The following RALGPS2 variants were observed in gnomAD, a reference collection of about 807,000 sequenced individuals.
The protein encoded by RALGPS2 is Ral GEF with PH domain and SH3 binding motif 2.
In RALGPS2, 43 loss-of-function variants were observed where a neutral mutation model predicts 86.8. The ratio of observed to expected loss-of-function variants is 0.50; its 90% CI spans 0.39 to 0.64. The LOEUF is 0.64. RALGPS2 is among the 30% of genes least tolerant of loss of function. RALGPS2 has a pLI of 0.00. For missense variants in RALGPS2, 536 were observed against 694.6 expected (o/e 0.77, Z 2.57); for synonymous variants, 243 against 231.3 (o/e 1.05, Z -0.46).
intron 7 of RALGPS2, among the ~76,000 whole-genome samples, chr1:178,830,124 TTAGCTTGA>T (rs1300629498): frequency 1.3e-5 from 2 of 152,246 alleles, no homozygotes; most frequent in Non-Finnish European, 2.9e-5. Context: ...GATATGTTAA[TTAGCTTGA>T]TAGCTTGATA....
At chr1:178,800,495 C>G (rs1558125281) in intron 4 of RALGPS2, among the ~76,000 whole-genome samples, 1 of 151,912 alleles carries the variant, frequency 6.6e-6, no homozygotes, top group Non-Finnish European at 1.5e-5. Flanking sequence ...TGATCCACTT[C>G]CACTTAACGA....
intron 19 of RALGPS2, among the ~76,000 whole-genome samples, chr1:178,909,517 G>A (rs552282859): frequency 6.6e-6 from 1 of 151,938 alleles, no homozygotes; most frequent in African/African-American, 2.4e-5. Flanking sequence ...CTGTAGGTTG[G>A]TTTGGACAAT....
chr1:178,750,097 TGA>T (rs1290038013), intron 1 of RALGPS2, among the ~76,000 whole-genome samples: 1 of 152,066 alleles, frequency 6.6e-6, no homozygotes, highest in Non-Finnish European at 1.5e-5. Context: ...GGTGACAGAG[TGA>T]GACTCTGTCT....
intron 16 of RALGPS2, among the ~76,000 whole-genome samples, chr1:178,894,695 A>G (rs939710090): frequency 6.6e-6 from 1 of 152,078 alleles, no homozygotes; most frequent in Admixed American, 6.6e-5. Context: ...GCCTGTGGGT[A>G]ACTGAAACCA....
At chr1:178,812,387 A>C (rs1655026311) in intron 6 of RALGPS2, among the ~76,000 whole-genome samples, 1 of 152,134 alleles carries the variant, frequency 6.6e-6, no homozygotes, top group Admixed American at 6.5e-5. Flanking sequence ...TCTCAGAGCT[A>C]CCCTCAGAAA....
chr1:178,744,686 A>G (rs979251324), intron 1 of RALGPS2, among the ~76,000 whole-genome samples: 8 of 151,910 alleles, frequency 5.3e-5, no homozygotes, highest in Non-Finnish European at 8.8e-5. Context: ...GCATGGTGGC[A>G]GCTGCCTGTA....
At chr1:178,861,692 A>G (rs1330871854) in intron 8 of RALGPS2, among the ~76,000 whole-genome samples, 1 of 152,192 alleles carries the variant, frequency 6.6e-6, no homozygotes, top group Non-Finnish European at 1.5e-5. Flanking sequence ...CAGCTCAATT[A>G]TGTTTATTTA....
At chr1:178,838,830 G>C (rs1183005213) in intron 8 of RALGPS2, among the ~76,000 whole-genome samples, 2 of 152,168 alleles carry the variant, frequency 1.3e-5, no homozygotes, top group East Asian at 3.9e-4. Flanking sequence ...TGACCTGATG[G>C]AGCTGAAAAC....
chr1:178,905,879 A>G (rs1460365403), intron 18 of RALGPS2, among the ~76,000 whole-genome samples: 1 of 152,206 alleles, frequency 6.6e-6, no homozygotes, highest in Non-Finnish European at 1.5e-5. Context: ...AAAAGAGAGA[A>G]AGTTGCCTCC....
chr1:178,801,454 G>A (rs765520304), intron 4 of RALGPS2, among the ~76,000 whole-genome samples: 1 of 151,998 alleles, frequency 6.6e-6, no homozygotes, highest in Non-Finnish European at 1.5e-5. Context: ...ATTTGATCCT[G>A]TTTCATCATT....
At chr1:178,894,502 G>A (rs938804869) in intron 16 of RALGPS2, among the ~76,000 whole-genome samples, 1 of 152,000 alleles carries the variant, frequency 6.6e-6, no homozygotes, top group Non-Finnish European at 1.5e-5. Context: ...AGTGGGGAGT[G>A]GGACACAAGG....
At chr1:178,801,539 T>G (rs111926468) in intron 4 of RALGPS2, among the ~76,000 whole-genome samples, 1 of 152,124 alleles carries the variant, frequency 6.6e-6, no homozygotes, top group Non-Finnish European at 1.5e-5. Flanking sequence ...ATTAAAAAAA[T>G]TTTTTAATAC....
chr1:178,791,408 G>A (rs1327322317), intron 4 of RALGPS2, among the ~76,000 whole-genome samples: 2 of 151,830 alleles, frequency 1.3e-5, no homozygotes, highest in Non-Finnish European at 2.9e-5. Context: ...GGATCAGTGT[G>A]AGCCAGCACA....
chr1:178,832,221 T>C lies in RALGPS2; in HGVS notation c.481-1203T>C, dbSNP rs1194485646. On this transcript the variant is annotated intron_variant, in intron 7 of 19. Transcript: ENST00000367635. ...AAAACCGCTGTTTTAGACCATGGAATATCCATCTAAAACATTAAAGCAAAG... is the reference window on the plus strand; with the variant it reads ...AAAACCGCTGTTTTAGACCATGGAACATCCATCTAAAACATTAAAGCAAAG... Among the ~76,000 whole-genome samples the C allele has an allele frequency of 5.3e-5, 8 of 152,296 alleles. No individual in the cohort carries two copies. In the East Asian group the frequency reaches 1.5e-3, roughly 29 times the overall value.
chr1:178,798,992 C>T (rs1654334239), intron 4 of RALGPS2, among the ~76,000 whole-genome samples: 1 of 152,106 alleles, frequency 6.6e-6, no homozygotes, highest in East Asian at 1.9e-4. Context: ...TCCCAGACAC[C>T]ATTGAGAAAA....
At chr1:178,828,681 G>A (rs531484695) in intron 7 of RALGPS2, among the ~76,000 whole-genome samples, 380 of 152,258 alleles carry the variant, frequency 2.5e-3, no homozygotes, top group Non-Finnish European at 4.0e-3. Context: ...GCTCAACATC[G>A]CTAATCATCA....
chr1:178,792,158 A>G (rs566878158), intron 4 of RALGPS2, among the ~76,000 whole-genome samples: 82 of 152,222 alleles, frequency 5.4e-4, no homozygotes, highest in Non-Finnish European at 8.1e-4. Flanking sequence ...TTGTGTAATG[A>G]TAGAGAAGAC....
intron 1 of RALGPS2, among the ~76,000 whole-genome samples, chr1:178,763,823 G>A (rs1652367449): frequency 6.7e-6 from 1 of 150,368 alleles, no homozygotes; most frequent in East Asian, 1.9e-4. Flanking sequence ...CTTTAGTATT[G>A]ATTTCTATTT....
At chr1:178,772,638 T>C (rs1017367258) in intron 1 of RALGPS2, among the ~76,000 whole-genome samples, 5 of 152,242 alleles carry the variant, frequency 3.3e-5, no homozygotes, top group Admixed American at 1.3e-4. Flanking sequence ...TATGGAAATA[T>C]AACCTTTCTG....
Sources: allele counts gnomAD v4.1 joint callset (sites outside exome capture counted in the v4.1 genomes callset), GRCh38; gene constraint gnomAD v4.1.1; transcripts MANE v1.5; gene names NCBI Gene and HGNC (gene_info 2026-07-23, HGNC 2026-07-21).